The following SS18L1 variants were observed in gnomAD, a reference collection of about 807,000 sequenced individuals.
SS18L1 encodes the protein SS18L1 subunit of BAF chromatin remodeling complex.
SS18L1 carries 32 observed loss-of-function variants against 70.3 expected under a neutral mutation model. The observed-to-expected ratio is 0.46, with a 90% CI of 0.34 to 0.61. The LOEUF is 0.61. SS18L1 is among the 20% of genes least tolerant of loss of function. The pLI, the probability that SS18L1 is intolerant of heterozygous loss-of-function variation, is 0.01. For synonymous variants in SS18L1, 237 were observed against 229.7 expected (o/e 1.03, Z -0.29); for missense variants, 430 against 542.1 (o/e 0.79, Z 2.05).
Position 62,159,003 on chromosome 20 carries a change from GCACGGAGGCCAGA to G in SS18L1, c.146+256_146+268del, listed in dbSNP as rs2057276701. The G allele has an allele frequency of 1.3e-6, 2 of 1,503,718 alleles. No individual in the cohort carries two copies. The highest frequency in any genetic ancestry group is 2.7e-5 in the African/African-American group (2 of 72,728). The allele number at this position is 1,503,718 out of a possible 1,614,324, so 93.1% of individuals were successfully genotyped here. ...CCAGATATGTCCCGAGAGTCCCCCAGCACGGAGGCCAGATATGTCCCGAGAGTCCCCCAGCACG... is the reference window on the plus strand; with the variant it reads ...CCAGATATGTCCCGAGAGTCCCCCAGTATGTCCCGAGAGTCCCCCAGCACG... On this transcript the variant is annotated intron_variant, in intron 2 of 10. Coordinates refer to ENST00000331758, the MANE Select transcript of SS18L1 (RefSeq NM_198935.3). This position sits in a 1 kb window ranked among gnomAD's most constrained non-coding sequence, Gnocchi z 4.4.
chr20:62,174,733 G>T lies in SS18L1; in HGVS notation c.1164+89G>T. 1 of 1,610,244 alleles carries T rather than the reference G, an allele frequency of 6.2e-7. No homozygotes were observed. On this transcript the variant is annotated intron_variant, in intron 10 of 10. Transcript: ENST00000331758. This position sits in a 1 kb window ranked among gnomAD's most constrained non-coding sequence, Gnocchi z 4.1. ...TTCTCTTATGGCCATGAGGAATAAT[G>T]AGCTGGAACTAACTGGCTTCCAGGG...
At chr20:62,147,984 A>T (rs556552898) in intron 1 of SS18L1, among the ~76,000 whole-genome samples, 152 of 152,258 alleles carry the variant, frequency 1.0e-3, no homozygotes, top group Non-Finnish European at 1.4e-3. Context: ...ACGCAAGCTA[A>T]TTTGGCTAGG....
chr20:62,158,596 G>T lies in SS18L1; in HGVS notation c.70-76G>T. On this transcript the variant is annotated intron_variant, in intron 1 of 10. Transcript: ENST00000331758. This position sits in a 1 kb window ranked among gnomAD's most constrained non-coding sequence, Gnocchi z 4.5. Reference sequence around the variant, plus strand: ...CGCTCAACCTATATGAAAACTAGATGTGTAGCGATGGCTGTTCATCCCGAG... The same window carrying T: ...CGCTCAACCTATATGAAAACTAGATTTGTAGCGATGGCTGTTCATCCCGAG... 1.3e-6 allele frequency: 2 copies of T among 1,565,470 alleles called. No individual in the cohort carries two copies. Among genetic ancestry groups the T allele is most frequent in the Non-Finnish European group, 1.7e-6 (2 of 1,158,526 alleles).
At chr20:62,163,068 C>A in intron 5 of SS18L1, 137 bp downstream of exon 5, 2 of 1,187,194 alleles carry the variant, frequency 1.7e-6, no homozygotes, top group Non-Finnish European at 1.2e-6. Context: ...TGAATCGGGG[C>A]TGGCCGCTGC....
In SS18L1 at chr20:62,161,536, C is replaced by T. The variant is rs1018744408; in HGVS notation, c.332C>T (p.Thr111Met). ...GGCAGCCTGAGTGACGCCATCAGCA[C>T]GGGCCTGCCACCCTCCTCCCTCCTG... is the stretch of plus-strand genomic sequence containing the variant. ...SQGSLSDAIS[T>M]GLPPSSLLQG... Residue 111 changes from threonine (T) to methionine (M), a missense_variant, in exon 4 of 11, where the codon ACG (threonine) becomes ATG (methionine). Coordinates refer to ENST00000331758, the MANE Select transcript of SS18L1 (RefSeq NM_198935.3). The surrounding 1 kb of genome is among the most constrained non-coding windows in gnomAD (Gnocchi z 4.4). 11 of 1,612,354 alleles carry T rather than the reference C, an allele frequency of 6.8e-6. No homozygotes were observed. The highest frequency in any genetic ancestry group is 1.7e-5 in the Admixed American group (1 of 60,002).
intron 1 of SS18L1, among the ~76,000 whole-genome samples, chr20:62,147,208 G>C (rs1044821640): frequency 2.0e-5 from 3 of 152,228 alleles, no homozygotes; most frequent in Admixed American, 6.5e-5. Flanking sequence ...GGCAGGGGGT[G>C]CTGGGCTGAT....
intron 1 of SS18L1, among the ~76,000 whole-genome samples, chr20:62,156,976 C>T (rs556754948): frequency 6.6e-6 from 1 of 152,356 alleles, no homozygotes; most frequent in Admixed American, 6.5e-5. Flanking sequence ...CAGTTCTGTG[C>T]CTCCCTGCAG....
intron 6 of SS18L1, 68 bp from the exon 7 acceptor site, chr20:62,164,077 T>G: frequency 6.9e-7 from 1 of 1,442,466 alleles, no homozygotes; most frequent in Non-Finnish European, 9.4e-7. Flanking sequence ...GCTTCCCCAG[T>G]GAGCGAGCAG....
chr20:62,160,222 G>A (rs2057299430), intron 3 of SS18L1, among the ~76,000 whole-genome samples: 1 of 133,736 alleles, frequency 7.5e-6, no homozygotes, highest in South Asian at 2.5e-4. Context: ...AAGCCCCGGA[G>A]AAGCCACTCC....
In SS18L1 at chr20:62,162,565, A is replaced by T. The variant is rs937785980; in HGVS notation, c.377-187A>T. On this transcript the variant is annotated intron_variant, in intron 4 of 10. Coordinates refer to ENST00000331758, the MANE Select transcript of SS18L1 (RefSeq NM_198935.3). ...GTGATCCACCCACCTCGGCCTCCCA[A>T]AGTGCTGGGATTACAGGCATGAGCC... is the stretch of plus-strand genomic sequence containing the variant. The T allele has an allele frequency of 1.2e-5, 7 of 604,510 alleles. No individual in the cohort carries two copies. The African/African-American group carries it at 1.3e-4, about 12-fold the overall frequency. The allele number at this position is 604,510 out of a possible 1,614,324, so 37.4% of individuals were successfully genotyped here.
intron 10 of SS18L1, among the ~76,000 whole-genome samples, chr20:62,177,829 C>G (rs1290852325): frequency 6.7e-6 from 1 of 150,146 alleles, no homozygotes; most frequent in South Asian, 2.1e-4. Context: ...TCTAGCAATT[C>G]TCCTGCCTCA....
At chr20:62,157,627 T>G (rs374979294) in intron 1 of SS18L1, among the ~76,000 whole-genome samples, 3 of 152,334 alleles carry the variant, frequency 2.0e-5, no homozygotes, top group East Asian at 3.9e-4. Flanking sequence ...GCTGTTCACC[T>G]GAGTCACTTG....
chr20:62,145,248 C>T (rs2057003864), intron 1 of SS18L1, among the ~76,000 whole-genome samples: 1 of 152,232 alleles, frequency 6.6e-6, no homozygotes, highest in African/African-American at 2.4e-5. Context: ...CTACTGGCAT[C>T]CCGTTTAATA....
rs2145786243 is a variant in SS18L1, at chr20:62,174,853, C to T, written c.1164+209C>T. 1 of 1,447,040 alleles carries T rather than the reference C, an allele frequency of 6.9e-7. No individual in the cohort carries two copies. Among genetic ancestry groups the T allele is most frequent in the Admixed American group, 2.3e-5 (1 of 44,182 alleles). 89.6% of individuals were successfully genotyped at this position (1,447,040 alleles called of 1,614,324 possible). A position where few individuals can be genotyped will look rare whatever the true frequency, so the allele number is the denominator to read the frequency against. On this transcript the variant is annotated intron_variant, in intron 10 of 10. Coordinates refer to ENST00000331758, the MANE Select transcript of SS18L1 (RefSeq NM_198935.3). This position sits in a 1 kb window ranked among gnomAD's most constrained non-coding sequence, Gnocchi z 4.1. Reference sequence around the variant, plus strand: ...TCAGTCATCCAGCTGGCTTTTCATACCCTAAGCTCACCGTTAGATCTGCAC... The same window carrying T: ...TCAGTCATCCAGCTGGCTTTTCATATCCTAAGCTCACCGTTAGATCTGCAC...
intron 1 of SS18L1, among the ~76,000 whole-genome samples, chr20:62,154,685 C>T (rs940714714): frequency 2.0e-5 from 3 of 152,218 alleles, no homozygotes; most frequent in East Asian, 1.9e-4. Flanking sequence ...TTTTTCTCTC[C>T]TGTCATGTTT....
At chr20:62,164,006 G>A in intron 6 of SS18L1, 139 bp from the exon 7 acceptor site, 1 of 698,340 alleles carries the variant, frequency 1.4e-6, no homozygotes, top group East Asian at 2.8e-5. Context: ...AACATAAGTT[G>A]GATACGATGA....
rs1197045056 is a variant in SS18L1 at position 62,181,647 on chromosome 20, A to G, written c.*2439A>G. On this transcript the variant is annotated 3_prime_UTR_variant, in exon 11 of 11. Coordinates refer to ENST00000331758, the MANE Select transcript of SS18L1 (RefSeq NM_198935.3). Reference sequence around the variant, plus strand: ...TGTACATTTATTTCCTAATTTATACATGATTTTTGGTGTTAATATATTTAA... The same window carrying G: ...TGTACATTTATTTCCTAATTTATACGTGATTTTTGGTGTTAATATATTTAA... 4.7e-6 allele frequency: 1 copy of G among 214,938 alleles called. No individual in the cohort carries two copies. The highest frequency in any genetic ancestry group is 5.8e-5 in the Admixed American group (1 of 17,166). The allele number at this position is 214,938 out of a possible 1,614,324, so 13.3% of individuals were successfully genotyped here.
Position 62,159,870 on chromosome 20 carries a change from C to CCTG in SS18L1, c.147-5_147-3dup, listed in dbSNP as rs1568747230. On this transcript the variant is annotated splice_polypyrimidine_tract_variant and splice_region_variant and intron_variant, in intron 2 of 10. Coordinates refer to ENST00000331758, the MANE Select transcript of SS18L1 (RefSeq NM_198935.3). The surrounding 1 kb of genome is among the most constrained non-coding windows in gnomAD (Gnocchi z 4.4). The stretch of plus-strand genomic sequence containing the variant: ...GTCCTGCCTCATGCGTGCCCCCTCT[C>CCTG]CTGCAGGTACCAGCAGATCCTGCAC... 1 of 1,611,950 alleles carries CCTG rather than the reference C, an allele frequency of 6.2e-7. No individual in the cohort carries two copies. Among genetic ancestry groups the CCTG allele is most frequent in the Non-Finnish European group, 8.5e-7 (1 of 1,179,646 alleles).
At chr20:62,169,732 T>G (rs1176121154) in intron 8 of SS18L1, among the ~76,000 whole-genome samples, 1 of 150,898 alleles carries the variant, frequency 6.6e-6, no homozygotes, top group Non-Finnish European at 1.5e-5. Context: ...TGAGCCAAGA[T>G]CACGCAACTG....
Sources: gnomAD v4.1 joint callset for allele counts (sites outside exome capture counted in the v4.1 genomes callset) on GRCh38, gnomAD v4.1.1 for gene constraint, Gnocchi (gnomAD v3.1) non-coding constraint, MANE v1.5 for transcripts, NCBI Gene and HGNC (gene_info 2026-07-23, HGNC 2026-07-21) for gene names.